S100Z: variants seen among roughly 807,000 people sequenced by gnomAD.
S100Z encodes protein S100-Z.
Under a neutral mutation model 8.5 loss-of-function variants are expected in S100Z, and 11 were observed. The observed-to-expected ratio is 1.30, with a 90% CI of 0.82 to 2.15. The LOEUF is 2.15. S100Z is among the 30% of genes most tolerant of loss of function. S100Z has a pLI of 0.00. For missense variants in S100Z, 126 were observed against 117.9 expected (o/e 1.07, Z -0.32); for synonymous variants, 34 against 43.8 (o/e 0.78, Z 0.89).
intron 1 of S100Z, among the ~76,000 whole-genome samples, chr5:76,863,550 A>AT (rs543107661): frequency 1.3e-5 from 2 of 151,774 alleles, no homozygotes; most frequent in Non-Finnish European, 2.9e-5. Flanking sequence ...TATTTTATTT[A>AT]TTTTTTGAGG....
In S100Z at chr5:76,878,382, T is replaced by C. The variant is rs960082723; in HGVS notation, c.*2+548T>C. Among the ~76,000 whole-genome samples, 10 of 152,316 alleles carry C rather than the reference T, an allele frequency of 6.6e-5. No individual in the cohort carries two copies. In the East Asian group the frequency reaches 9.7e-4, roughly 15 times the overall value. On this transcript the variant is annotated intron_variant, in intron 4 of 4. Transcript: ENST00000317593. ...CGAGAGAGCTGAAGCCAGCAGCTCT[T>C]GTGAGCTGGCATATAAATACCCTCC... is the stretch of plus-strand genomic sequence containing the variant.
At chr5:76,881,316 G>A (rs1487472317) in intron 4 of S100Z, among the ~76,000 whole-genome samples, 1 of 152,174 alleles carries the variant, frequency 6.6e-6, no homozygotes, top group Admixed American at 6.5e-5. Context: ...TACCACGGTG[G>A]CCTTCTCAGA....
chr5:76,914,517 A>T (rs966651776), intron 4 of S100Z, among the ~76,000 whole-genome samples: 1 of 152,088 alleles, frequency 6.6e-6, no homozygotes, highest in South Asian at 2.1e-4. Flanking sequence ...GTCCCCTTCC[A>T]TGCTGTGGAA....
At chr5:76,915,720 T>C (rs1484227017) in intron 4 of S100Z, among the ~76,000 whole-genome samples, 1 of 152,144 alleles carries the variant, frequency 6.6e-6, no homozygotes, top group Non-Finnish European at 1.5e-5. Context: ...GGTTTAACTA[T>C]AAAAATTAAA....
At chr5:76,911,189 C>T (rs903385574) in intron 4 of S100Z, among the ~76,000 whole-genome samples, 29 of 152,294 alleles carry the variant, frequency 1.9e-4, no homozygotes, top group African/African-American at 5.1e-4. Context: ...GCCTGAAGCT[C>T]ATAAAGGATT....
rs551200036 is a variant in S100Z, at chr5:76,892,795, G to A, written c.*2+14961G>A. On this transcript the variant is annotated intron_variant, in intron 4 of 4. Coordinates refer to ENST00000317593, the MANE Select transcript of S100Z (RefSeq NM_130772.4). ...ATAGTCAACTGTGCATTCTTCTGTAGCTCTGTGAATCTGCATTTTACAGAA... is the reference window on the plus strand; with the variant it reads ...ATAGTCAACTGTGCATTCTTCTGTAACTCTGTGAATCTGCATTTTACAGAA... 9.2e-5 allele frequency among the ~76,000 whole-genome samples: 14 copies of A among 152,288 alleles called. No individual in the cohort carries two copies. In the South Asian group the frequency reaches 2.3e-3, roughly 25 times the overall value.
rs564248499 is a variant in S100Z, at chr5:76,859,650, C to T, written c.-176+9495C>T. Among the ~76,000 whole-genome samples the T allele has an allele frequency of 2.0e-3, 296 of 151,360 alleles. 4 individuals carry two copies. The highest frequency in any genetic ancestry group is 6.9e-3 in the African/African-American group (284 of 41,196). On this transcript the variant is annotated intron_variant, in intron 1 of 4. Coordinates refer to ENST00000317593, the MANE Select transcript of S100Z (RefSeq NM_130772.4). ...ACAAAAAATTAGCTGGGCGTGGTGG[C>T]GGGCGCCTGTAATCCCAGCTACTTG...
rs572286638 is a variant in S100Z at position 76,854,314 on chromosome 5, A to G, written c.-176+4159A>G. Among the ~76,000 whole-genome samples the G allele has an allele frequency of 2.6e-5, 4 of 152,308 alleles. No homozygotes were observed. The East Asian group carries it at 7.7e-4, about 29-fold the overall frequency. On this transcript the variant is annotated intron_variant, in intron 1 of 4. Transcript: ENST00000317593. ...TCAGAGGACAACAGAAAGATGAGGG[A>G]AAGTTTGGAACTTCCTAGAGACTTG...
Position 76,909,808 on chromosome 5 carries a change from T to C in S100Z, c.*3-10909T>C, listed in dbSNP as rs148075996. Among the ~76,000 whole-genome samples, 1,254 of 152,260 alleles carry C rather than the reference T, an allele frequency of 8.2e-3. 14 individuals carry two copies. The highest frequency in any genetic ancestry group is 0.028 in the African/African-American group (1,181 of 41,528). ...TTTTCAGATGATCCTGATAGGTACA[T>C]AGATGTCCTACAGGGTCTAGAGCAA... On this transcript the variant is annotated intron_variant, in intron 4 of 4. Transcript: ENST00000317593.
intron 4 of S100Z, among the ~76,000 whole-genome samples, chr5:76,908,262 C>A (rs1203833055): frequency 6.6e-6 from 1 of 152,194 alleles, no homozygotes; most frequent in Admixed American, 6.5e-5. Context: ...GGAGAGGAAG[C>A]CATTCAGCTT....
At chr5:76,906,359 A>G (rs1744422240) in intron 4 of S100Z, among the ~76,000 whole-genome samples, 1 of 152,338 alleles carries the variant, frequency 6.6e-6, no homozygotes, top group East Asian at 1.9e-4. Context: ...ACCATGCTAT[A>G]CAATAGATCT....
the S100Z span, chr5:76,952,919 G>T: frequency 1.8e-6 from 1 of 557,716 alleles, no homozygotes; most frequent in Non-Finnish European, 3.2e-6. Context: ...CTGGACCCTC[G>T]TCATCGCCAC....
intron 2 of S100Z, among the ~76,000 whole-genome samples, chr5:76,873,155 T>C (rs1273552949): frequency 6.6e-6 from 1 of 152,124 alleles, no homozygotes; most frequent in African/African-American, 2.4e-5. Context: ...AGGCAGTTCA[T>C]GCTTTTAGCC....
intron 4 of S100Z, among the ~76,000 whole-genome samples, chr5:76,911,445 G>A (rs1236133287): frequency 7.2e-5 from 11 of 152,164 alleles, no homozygotes; most frequent in African/African-American, 2.7e-4. Flanking sequence ...GCCTTCTTCT[G>A]TATTCCCCTG....
chr5:76,893,878 TTG>T (rs1275576517), intron 4 of S100Z, among the ~76,000 whole-genome samples: 7 of 152,152 alleles, frequency 4.6e-5, no homozygotes, highest in Admixed American at 3.9e-4. Context: ...AAATCTTGGA[TTG>T]TGTTCTCTGA....
At chr5:76,912,839 AGAAAGAGAG>A (rs1744715473) in intron 4 of S100Z, among the ~76,000 whole-genome samples, 1 of 151,852 alleles carries the variant, frequency 6.6e-6, no homozygotes, top group African/African-American at 2.4e-5. Flanking sequence ...AGAAAGAGAC[AGAAAGAGAG>A]AGAGAGAGGA....
At chr5:76,951,675 G>A in the S100Z span, among the ~76,000 whole-genome samples, 3 of 152,136 alleles carry the variant, frequency 2.0e-5, no homozygotes, top group Admixed American at 2.0e-4. Context: ...TTCCTCCCAG[G>A]TTTCTTTATA....
chr5:76,880,712 G>A (rs1743375740), intron 4 of S100Z, among the ~76,000 whole-genome samples: 1 of 152,134 alleles, frequency 6.6e-6, no homozygotes, highest in African/African-American at 2.4e-5. Context: ...AGTGTCCAAG[G>A]GAGTTCAGCA....
the S100Z span, among the ~76,000 whole-genome samples, chr5:76,939,711 C>A: frequency 6.6e-6 from 1 of 151,416 alleles, no homozygotes; most frequent in Admixed American, 6.6e-5. Flanking sequence ...CCAGGTTACA[C>A]AATGTTGGCT....
Sources: gnomAD v4.1 joint callset for allele counts (sites outside exome capture counted in the v4.1 genomes callset) on GRCh38, gnomAD v4.1.1 for gene constraint, MANE v1.5 for transcripts, NCBI Gene and HGNC (gene_info 2026-07-23, HGNC 2026-07-21) for gene names.